Variants in SHLD2 observed in about 807,000 individuals in gnomAD.
The protein encoded by SHLD2 is RINN1-REV7-interacting novel NHEJ regulator 2.
A neutral mutation model predicts 73.2 loss-of-function variants in SHLD2; 30 were observed. That is an observed-to-expected ratio of 0.41 (90% CI 0.31 to 0.56). The LOEUF (loss-of-function observed/expected upper bound fraction) is 0.56, where lower values mean the gene tolerates loss of function less well. Ranked by LOEUF, SHLD2 falls within the 20% of genes least tolerant of loss-of-function variation. The probability of loss-of-function intolerance (pLI) is 0.28; values close to 1 mark genes in which losing one functional copy is unlikely to be tolerated. For synonymous variants in SHLD2, 285 were observed against 370.1 expected, an observed-to-expected ratio of 0.77 and a Z score of 2.64; for missense variants, 745 against 1,055.9, an observed-to-expected ratio of 0.71 and a Z score of 4.08.
chr10:87,161,429 A>G (rs1846808547), intron 4 of SHLD2, among the ~76,000 whole-genome samples: 1 of 152,188 alleles, frequency 6.6e-6, no homozygotes, highest in Non-Finnish European at 1.5e-5. Flanking sequence ...TGGGCAACAG[A>G]GCAAGGCCCT....
chr10:87,183,168 T>C (rs1848416976), intron 8 of SHLD2, among the ~76,000 whole-genome samples: 2 of 152,120 alleles, frequency 1.3e-5, no homozygotes, highest in Admixed American at 1.3e-4. Context: ...CGGAAAATAG[T>C]TTGCAAGATG....
intron 7 of SHLD2, among the ~76,000 whole-genome samples, chr10:87,179,282 A>G (rs1295245642): frequency 6.6e-6 from 1 of 152,236 alleles, no homozygotes; most frequent in Admixed American, 6.5e-5. Context: ...AGAACTTTTT[A>G]TAACCCACAC....
chr10:87,187,399 G>A (rs930504218), intron 9 of SHLD2, among the ~76,000 whole-genome samples, 199 bp downstream of exon 9: 7 of 152,136 alleles, frequency 4.6e-5, no homozygotes, highest in African/African-American at 7.2e-5. Context: ...CATGAACAGC[G>A]GGAGGCACCT....
intron 2 of SHLD2, among the ~76,000 whole-genome samples, chr10:87,129,891 G>A (rs1306055030): frequency 6.6e-6 from 1 of 152,062 alleles, no homozygotes; most frequent in Non-Finnish European, 1.5e-5. Flanking sequence ...AAAATTCTGG[G>A]ATTACAGTGT....
intron 3 of SHLD2, among the ~76,000 whole-genome samples, chr10:87,157,104 A>G (rs997976646): frequency 3.9e-5 from 6 of 152,210 alleles, no homozygotes; most frequent in African/African-American, 1.2e-4. Context: ...GATTAGCAGC[A>G]TAGCGTCAAC....
intron 2 of SHLD2, among the ~76,000 whole-genome samples, chr10:87,102,254 C>T (rs1400806196): frequency 6.6e-6 from 1 of 152,094 alleles, no homozygotes; most frequent in African/African-American, 2.4e-5. Flanking sequence ...ACTACTTTAC[C>T]TATTTATGTA....
At position 87,170,525 on chromosome 10, in the gene SHLD2, G is replaced by T; in HGVS notation, c.1681G>T (p.Val561Leu). 2 of 1,611,782 alleles carry T rather than the reference G, an allele frequency of 1.2e-6. No individual in the cohort carries two copies. Among genetic ancestry groups the T allele is most frequent in the Non-Finnish European group, 1.7e-6 (2 of 1,179,170 alleles). Reference protein sequence around the residue: ...EVVLQDLLAYVSSKHSYLRDL... With the variant: ...EVVLQDLLAYLSSKHSYLRDL... ...TGTACTTCAAGACTTACTGGCATAT[G>T]TGTCCTCAAAACATTCCTACCTCAG... is the stretch of plus-strand genomic sequence containing the variant. The change falls in exon 5 of 10, where the codon GTG (valine) becomes TTG (leucine). Residue 561 changes from valine to leucine, a missense_variant. This residue lies in a region of SHLD2 where 418 missense variants were observed against 567.8 expected (regional missense o/e 0.74). Coordinates refer to ENST00000298786, the MANE Select transcript of SHLD2 (RefSeq NM_001330112.2).
At chr10:87,136,449 C>G (rs1192557926) in intron 2 of SHLD2, among the ~76,000 whole-genome samples, 6 of 150,598 alleles carry the variant, frequency 4.0e-5, no homozygotes, top group Non-Finnish European at 7.4e-5. Context: ...AAACCAAGAT[C>G]TAGGTGCTAG....
At chr10:87,169,755 AT>A (rs781553764) in intron 4 of SHLD2, among the ~76,000 whole-genome samples, 31 of 152,030 alleles carry the variant, frequency 2.0e-4, no homozygotes, top group Non-Finnish European at 3.8e-4. Context: ...CTATACCTTA[AT>A]AAAAAGTGAG....
intron 2 of SHLD2, among the ~76,000 whole-genome samples, chr10:87,142,922 C>CTTTTTTTTTTT (rs71269253): frequency 1.2e-5 from 1 of 83,200 alleles, no homozygotes; most frequent in African/African-American, 5.5e-5. Context: ...TTTATTTTTA[C>CTTTTTTTTTTT]TTTTTTTTTT....
intron 2 of SHLD2, among the ~76,000 whole-genome samples, chr10:87,128,782 G>C (rs1015164640): frequency 3.3e-5 from 5 of 152,142 alleles, no homozygotes; most frequent in Non-Finnish European, 5.9e-5. Flanking sequence ...TCTGAAACTT[G>C]TAAATGATAT....
intron 4 of SHLD2, among the ~76,000 whole-genome samples, chr10:87,169,968 G>A (rs554248797): frequency 5.7e-4 from 87 of 152,328 alleles, no homozygotes; most frequent in African/African-American, 1.9e-3. Flanking sequence ...CCTTGCAGCT[G>A]GAAATTGGTG....
intron 7 of SHLD2, among the ~76,000 whole-genome samples, chr10:87,177,141 CAT>C (rs1465563655): frequency 6.6e-6 from 1 of 151,792 alleles, no homozygotes; most frequent in Non-Finnish European, 1.5e-5. Context: ...ACTTCACAGA[CAT>C]ATAGAGGTGG....
chr10:87,182,556 A>C (rs1848380794), intron 8 of SHLD2, among the ~76,000 whole-genome samples: 1 of 152,262 alleles, frequency 6.6e-6, no homozygotes, highest in Non-Finnish European at 1.5e-5. Flanking sequence ...AAGCTATCAT[A>C]AAACTCAAAT....
chr10:87,169,946 AG>A (rs1286751952), intron 4 of SHLD2, among the ~76,000 whole-genome samples: 1 of 152,240 alleles, frequency 6.6e-6, no homozygotes, highest in Non-Finnish European at 1.5e-5. Flanking sequence ...GGTATTGGGT[AG>A]GACAAGACAG....
chr10:87,097,936 A>G (rs558037998), intron 2 of SHLD2, among the ~76,000 whole-genome samples: 38 of 151,818 alleles, frequency 2.5e-4, no homozygotes, highest in Non-Finnish European at 4.9e-4. Context: ...ATTTTTTTGT[A>G]TTTTTAATAG....
intron 8 of SHLD2, among the ~76,000 whole-genome samples, chr10:87,181,218 CA>C (rs1240727171): frequency 0.018 from 1,962 of 108,288 alleles, 33 homozygotes; most frequent in African/African-American, 0.028. Flanking sequence ...CCATCTCTAC[CA>C]AAAAAAAAAA....
intron 4 of SHLD2, among the ~76,000 whole-genome samples, chr10:87,165,191 A>G (rs1403942559): frequency 2.5e-4 from 4 of 16,120 alleles, no homozygotes; most frequent in Admixed American, 1.4e-3. Flanking sequence ...TGTCTCAAGG[A>G]AAAAAAAAAA....
intron 2 of SHLD2, among the ~76,000 whole-genome samples, chr10:87,143,936 TCACTGCAACCTC>T (rs1845393985): frequency 6.7e-6 from 1 of 150,270 alleles, no homozygotes; most frequent in Non-Finnish European, 1.5e-5. Flanking sequence ...CGATCTTGGC[TCACTGCAACCTC>T]CACCTCCTGG....
Sources: gnomAD v4.1 joint callset for allele counts (sites outside exome capture counted in the v4.1 genomes callset) on GRCh38, gnomAD v4.1.1 for gene constraint, gnomAD v4.1.1 regional missense constraint, MANE v1.5 for transcripts, NCBI Gene and HGNC (gene_info 2026-07-23, HGNC 2026-07-21) for gene names.